Variants in ELMO1 observed in about 807,000 individuals in gnomAD.
The protein encoded by ELMO1 is engulfment and cell motility protein 1.
A neutral mutation model predicts 98.9 loss-of-function variants in ELMO1; 26 were observed. That is an observed-to-expected ratio of 0.26 (90% confidence interval 0.19 to 0.36). The LOEUF (loss-of-function observed/expected upper bound fraction) is 0.36. ELMO1 is among the 10% of genes least tolerant of loss of function. The pLI is 1.00. For synonymous variants in ELMO1, 346 were observed against 346.0 expected (o/e 1.00, Z 0.00); for missense variants, 627 against 935.2 (o/e 0.67, Z 4.30).
chr7:37,280,962 C>CA (rs61232363), intron 4 of ELMO1, among the ~76,000 whole-genome samples: 73,710 of 150,336 alleles, frequency 0.49, 18,271 homozygotes, highest in Middle Eastern at 0.62. Flanking sequence ...AAATGCCCAT[C>CA]ATCAACGAAT....
At chr7:37,394,191 C>T (rs1314073504) in intron 1 of ELMO1, among the ~76,000 whole-genome samples, 1 of 152,170 alleles carries the variant, frequency 6.6e-6, no homozygotes, top group African/African-American at 2.4e-5. Flanking sequence ...TCACAGAATA[C>T]TCTTACTAGA....
chr7:37,298,228 G>A (rs930641911), intron 4 of ELMO1, among the ~76,000 whole-genome samples: 1 of 150,276 alleles, frequency 6.7e-6, no homozygotes, highest in Admixed American at 6.6e-5. Flanking sequence ...AGAGAGGGGG[G>A]ACCTGAACAT....
At chr7:37,208,416 AG>A in intron 13 of ELMO1, among the ~76,000 whole-genome samples, 1 of 152,390 alleles carries the variant, frequency 6.6e-6, no homozygotes, top group African/African-American at 2.4e-5. Flanking sequence ...ACTTGGGAGC[AG>A]AAACATGAGA....
At chr7:37,156,042 G>T (rs533267262) in intron 13 of ELMO1, among the ~76,000 whole-genome samples, 2 of 152,046 alleles carry the variant, frequency 1.3e-5, no homozygotes, top group Non-Finnish European at 2.9e-5. Context: ...GCACAACTAC[G>T]TGGAAACTGA....
intron 1 of ELMO1, among the ~76,000 whole-genome samples, chr7:37,350,232 G>A (rs1801198846): frequency 1.3e-5 from 2 of 152,206 alleles, no homozygotes; most frequent in African/African-American, 4.8e-5. Context: ...AGAATAAACA[G>A]AGAATGGAAT....
At chr7:37,204,047 C>T (rs2130344493) in intron 13 of ELMO1, 2 of 453,186 alleles carry the variant, frequency 4.4e-6, no homozygotes, top group Non-Finnish European at 8.9e-6. Context: ...CAGTATTTAG[C>T]CCCCGAATTC....
At position 37,271,847 on chromosome 7, in the gene ELMO1, T is replaced by C; in HGVS notation, c.228A>G (p.Arg76=). 2 of 1,614,082 alleles carry C rather than the reference T, an allele frequency of 1.2e-6. No homozygotes were observed. Among genetic ancestry groups the C allele is most frequent in the Non-Finnish European group, 1.7e-6 (2 of 1,180,008 alleles). ...RNEIKNGTIL[R]LTTSPAQNAQ... ...ATCAACTTACTGGAGATGTGGTTAA[T>C]CGAAGGATAGTGCCATTTTTTATCT... The change falls in exon 5 of 22, where the codon CGA becomes CGG. Residue 76 remains arginine (R), a synonymous_variant. Coordinates refer to ENST00000310758, the MANE Select transcript of ELMO1 (RefSeq NM_014800.11).
intron 1 of ELMO1, among the ~76,000 whole-genome samples, chr7:37,444,397 T>A (rs1805526638): frequency 6.6e-6 from 1 of 152,216 alleles, no homozygotes; most frequent in Admixed American, 6.5e-5. Flanking sequence ...TAAAGAGTTA[T>A]TGCAAAGGGA....
intron 13 of ELMO1, among the ~76,000 whole-genome samples, chr7:37,180,791 C>G (rs1790811498): frequency 1.4e-5 from 2 of 139,842 alleles, no homozygotes; most frequent in Admixed American, 1.5e-4. Flanking sequence ...CACACATATG[C>G]ACATATGCAC....
chr7:37,430,886 A>C (rs1804905415), intron 1 of ELMO1, among the ~76,000 whole-genome samples: 1 of 152,264 alleles, frequency 6.6e-6, no homozygotes, highest in Non-Finnish European at 1.5e-5. Context: ...TAATTTCAAC[A>C]TGGATCTGTG....
intron 7 of ELMO1, among the ~76,000 whole-genome samples, chr7:37,240,492 C>T (rs2130682395): frequency 6.6e-6 from 1 of 151,850 alleles, no homozygotes; most frequent in South Asian, 2.1e-4. Context: ...TTTCCTATTT[C>T]ATTGGTTAGT....
At chr7:36,950,574 G>C (rs1254480332) in intron 16 of ELMO1, among the ~76,000 whole-genome samples, 1 of 152,182 alleles carries the variant, frequency 6.6e-6, no homozygotes, top group African/African-American at 2.4e-5. Context: ...CCTTCCTAAG[G>C]TGAAGGTAAC....
intron 13 of ELMO1, among the ~76,000 whole-genome samples, chr7:37,141,449 T>G (rs1787634917): frequency 1.3e-5 from 2 of 152,084 alleles, no homozygotes; most frequent in African/African-American, 4.8e-5. Flanking sequence ...CACCAAAATC[T>G]TAGAAATCAT....
At chr7:37,293,829 A>G (rs1227705356) in intron 4 of ELMO1, among the ~76,000 whole-genome samples, 1 of 149,270 alleles carries the variant, frequency 6.7e-6, no homozygotes, top group Non-Finnish European at 1.5e-5. Context: ...AATCAATTTC[A>G]TTCCTGGGTT....
intron 16 of ELMO1, among the ~76,000 whole-genome samples, chr7:37,010,753 T>G (rs751292510): frequency 4.6e-5 from 7 of 152,248 alleles, no homozygotes; most frequent in Non-Finnish European, 8.8e-5. Flanking sequence ...TCTAAGCTAC[T>G]AAATTTGTGG....
In ELMO1 at chr7:37,360,316, T is replaced by C. The variant is rs565983107; in HGVS notation, c.-73-17553A>G. Among the ~76,000 whole-genome samples, 4 of 152,168 alleles carry C rather than the reference T, an allele frequency of 2.6e-5. 1 individual carries two copies. In the East Asian group the frequency reaches 7.7e-4, roughly 29 times the overall value. ...TAACAGGCCCCAGCATTTAATGAGCTTATTATGGCAAAGAACCTAAATAGC... is the reference window on the plus strand; with the variant it reads ...TAACAGGCCCCAGCATTTAATGAGCCTATTATGGCAAAGAACCTAAATAGC... On this transcript the variant is annotated intron_variant, in intron 1 of 21. Coordinates refer to ENST00000310758, the MANE Select transcript of ELMO1 (RefSeq NM_014800.11).
rs757564169 is a variant in ELMO1 at position 36,871,386 on chromosome 7, A to G, written c.1823-911T>C. 5.9e-5 allele frequency among the ~76,000 whole-genome samples: 9 copies of G among 152,242 alleles called. 1 individual carries two copies. The highest frequency in any genetic ancestry group is 2.0e-4 in the Admixed American group (3 of 15,292). ...CCCTGTCTCTACAAACAATGAAATG[A>G]AAATAAAAAATTAAAAACAAAAAGA... On this transcript the variant is annotated intron_variant, in intron 19 of 21. Transcript: ENST00000310758.
intron 16 of ELMO1, among the ~76,000 whole-genome samples, chr7:36,918,158 C>T (rs934364874): frequency 1.3e-5 from 2 of 152,054 alleles, no homozygotes; most frequent in African/African-American, 4.8e-5. Context: ...AGAGGAGGGT[C>T]TTGCATGGCC....
intron 15 of ELMO1, among the ~76,000 whole-genome samples, chr7:37,086,330 C>CTCTGTGTGTG (rs1000692933): frequency 7.0e-6 from 1 of 143,082 alleles, no homozygotes; most frequent in African/African-American, 2.6e-5. Flanking sequence ...CAATACATGA[C>CTCTGTGTGTG]TGTGTGTGTG....
Sources: gnomAD v4.1 joint callset for allele counts (sites outside exome capture counted in the v4.1 genomes callset) on GRCh38, gnomAD v4.1.1 for gene constraint, MANE v1.5 for transcripts, NCBI Gene and HGNC (gene_info 2026-07-23, HGNC 2026-07-21) for gene names.